TATDN1: variants seen among roughly 807,000 people sequenced by gnomAD.
TATDN1 encodes the protein deoxyribonuclease TATDN1.
In TATDN1, 40 loss-of-function variants were observed where a neutral mutation model predicts 46.4. The observed-to-expected ratio is 0.86, with a 90% CI of 0.67 to 1.12. The LOEUF (loss-of-function observed/expected upper bound fraction) is 1.12. Among genes scored for constraint, TATDN1 ranks in the 50% most tolerant of loss-of-function variants. TATDN1 has a pLI of 0.00. For missense variants in TATDN1, 326 were observed against 348.4 expected (o/e 0.94, Z 0.51); for synonymous variants, 95 against 105.6 (o/e 0.90, Z 0.62).
chr8:124,529,865 G>C (rs1343374727), intron 1 of TATDN1, among the ~76,000 whole-genome samples: 1 of 152,122 alleles, frequency 6.6e-6, no homozygotes, highest in Non-Finnish European at 1.5e-5. Context: ...GCCAAGGCAG[G>C]TGGATTACTT....
intron 11 of TATDN1, chr8:124,490,053 G>C (rs1816831566): frequency 6.6e-6 from 1 of 152,168 alleles, no homozygotes; most frequent in African/African-American, 2.4e-5. Context: ...TTTAAATTAA[G>C]ACAGTGAAAA....
intron 1 of TATDN1, among the ~76,000 whole-genome samples, chr8:124,525,462 T>C (rs571388116): frequency 3.3e-5 from 5 of 152,138 alleles, no homozygotes; most frequent in Admixed American, 6.5e-5. Flanking sequence ...TAGTAAATTC[T>C]TGTACCCTCG....
At chr8:124,507,142 C>A (rs564628128) in intron 8 of TATDN1, among the ~76,000 whole-genome samples, 1 of 150,096 alleles carries the variant, frequency 6.7e-6, no homozygotes, top group Non-Finnish European at 1.5e-5. Flanking sequence ...AGCCTGGTGA[C>A]AGAGCGAGAC....
chr8:124,536,683 T>C (rs1821453246), intron 1 of TATDN1, among the ~76,000 whole-genome samples: 1 of 152,202 alleles, frequency 6.6e-6, no homozygotes, highest in Non-Finnish European at 1.5e-5. Context: ...TTTCATAAAA[T>C]GGGTTCAATT....
chr8:124,522,893 T>C (rs1325686185), intron 2 of TATDN1, 44 bp downstream of exon 2: 1 of 1,535,430 alleles, frequency 6.5e-7, no homozygotes, highest in African/African-American at 1.4e-5. Flanking sequence ...GCAGAAAATT[T>C]GTCTTCATAG....
chr8:124,517,425 CAA>C (rs540696612), intron 4 of TATDN1, among the ~76,000 whole-genome samples: 13 of 67,158 alleles, frequency 1.9e-4, no homozygotes, highest in Admixed American at 3.4e-4. Flanking sequence ...AAGACTGTCT[CAA>C]AAAAAAAAAA....
intron 4 of TATDN1, among the ~76,000 whole-genome samples, chr8:124,516,417 C>T (rs1465347655): frequency 6.6e-6 from 1 of 152,026 alleles, no homozygotes; most frequent in Non-Finnish European, 1.5e-5. Flanking sequence ...ATCCTCCCAC[C>T]TCAGCCTCCC....
chr8:124,488,780 G>T, intron 11 of TATDN1, 84 bp from the exon 12 acceptor site: 1 of 802,704 alleles, frequency 1.2e-6, no homozygotes, highest in Non-Finnish European at 2.1e-6. Context: ...CCACACAAAG[G>T]AAAATATTGG....
intron 2 of TATDN1, 91 bp downstream of exon 2, chr8:124,522,844 AAG>A: frequency 9.1e-7 from 1 of 1,103,242 alleles, no homozygotes; most frequent in South Asian, 1.2e-5. Flanking sequence ...TGTGAGCCAC[AAG>A]ACTCAGCTTG....
intron 9 of TATDN1, among the ~76,000 whole-genome samples, chr8:124,496,398 T>C (rs547242419): frequency 1.3e-4 from 20 of 152,330 alleles, no homozygotes; most frequent in African/African-American, 4.6e-4. Context: ...TCATGTGTTC[T>C]GTGGGTCTGG....
chr8:124,506,499 A>T (rs1424228114), intron 8 of TATDN1, among the ~76,000 whole-genome samples: 1 of 152,168 alleles, frequency 6.6e-6, no homozygotes, highest in Non-Finnish European at 1.5e-5. Flanking sequence ...CTACAGGATA[A>T]ATTACAGAGT....
chr8:124,505,531 T>C (rs1227933096), intron 8 of TATDN1, among the ~76,000 whole-genome samples: 1 of 145,402 alleles, frequency 6.9e-6, no homozygotes, highest in Non-Finnish European at 1.5e-5. Flanking sequence ...TCAGCGAAAC[T>C]GTCTCAAAAA....
chr8:124,538,968 G>A (rs1821760594), intron 1 of TATDN1, 57 bp downstream of exon 1: 1 of 1,610,372 alleles, frequency 6.2e-7, no homozygotes, highest in African/African-American at 1.3e-5. Context: ...TGACCTTGGT[G>A]ACCGACGCCC....
At chr8:124,492,731 G>A (rs1817122597) in intron 11 of TATDN1, among the ~76,000 whole-genome samples, 1 of 130,688 alleles carries the variant, frequency 7.7e-6, no homozygotes, top group Non-Finnish European at 1.6e-5. Flanking sequence ...TCCAGCCTGG[G>A]CAACAGAGCA....
At chr8:124,530,978 C>G (rs1380256487) in intron 1 of TATDN1, among the ~76,000 whole-genome samples, 1 of 152,102 alleles carries the variant, frequency 6.6e-6, no homozygotes, top group African/African-American at 2.4e-5. Flanking sequence ...GACCAGGAGT[C>G]AATCTCTATA....
intron 3 of TATDN1, among the ~76,000 whole-genome samples, chr8:124,520,419 A>C (rs1819929672): frequency 6.6e-6 from 1 of 151,992 alleles, no homozygotes; most frequent in African/African-American, 2.4e-5. Context: ...CCTGGGGGAC[A>C]GAGCGAGACT....
At chr8:124,518,384 C>T (rs1162065346) in intron 4 of TATDN1, among the ~76,000 whole-genome samples, 2 of 151,030 alleles carry the variant, frequency 1.3e-5, no homozygotes, top group African/African-American at 2.4e-5. Context: ...ATTAGCCTGG[C>T]GTGGTGGCGG....
At chr8:124,502,820 A>G (rs1312019218) in intron 9 of TATDN1, among the ~76,000 whole-genome samples, 1 of 152,188 alleles carries the variant, frequency 6.6e-6, no homozygotes, top group African/African-American at 2.4e-5. Flanking sequence ...GCCTGGGCAC[A>G]TAGCAAGACC....
chr8:124,535,480 G>A (rs537647399), intron 1 of TATDN1, among the ~76,000 whole-genome samples: 2 of 152,260 alleles, frequency 1.3e-5, no homozygotes, highest in Admixed American at 1.3e-4. Context: ...GACCACCAAG[G>A]GACATTTTTG....
Sources: allele counts gnomAD v4.1 joint callset (sites outside exome capture counted in the v4.1 genomes callset), GRCh38; gene constraint gnomAD v4.1.1; transcripts MANE v1.5; gene names NCBI Gene and HGNC (gene_info 2026-07-23, HGNC 2026-07-21).